The following DNAH11 variants were observed in gnomAD, a reference collection of about 807,000 sequenced individuals.
DNAH11 encodes the protein axonemal beta dynein heavy chain 11.
Under a neutral mutation model 526.0 loss-of-function variants are expected in DNAH11, and 442 were observed. The observed-to-expected ratio is 0.84, with a 90% confidence interval of 0.78 to 0.91. DNAH11 has a LOEUF of 0.91. Among genes scored for constraint, DNAH11 ranks in the 40% least tolerant of loss-of-function variants. The probability of loss-of-function intolerance (pLI) is 0.00; values close to 1 mark genes in which losing one functional copy is unlikely to be tolerated. For missense variants in DNAH11, 6,989 were observed against 5,448.7 expected, an observed-to-expected ratio of 1.28 and a Z score of -8.90; for synonymous variants, 2,461 against 1,935.9, an observed-to-expected ratio of 1.27 and a Z score of -7.12.
At chr7:21,837,000 A>G (rs1274092883) in intron 65 of DNAH11, among the ~76,000 whole-genome samples, 2 of 152,188 alleles carry the variant, frequency 1.3e-5, no homozygotes, top group Non-Finnish European at 2.9e-5. Context: ...AATATTCCAC[A>G]TCACTAATTA....
At position 21,816,474 on chromosome 7, in the gene DNAH11, T is replaced by A. The variant is rs1262069536; in HGVS notation, c.10340T>A (p.Ile3447Asn). Residue 3447 changes from isoleucine (I) to asparagine (N), a missense_variant, in exon 64 of 82, where the codon ATT (isoleucine) becomes AAT (asparagine). Transcript: ENST00000409508. Reference protein sequence around the residue: ...WVPFLQQKVSIPLTEGLDLIS... With the variant: ...WVPFLQQKVSNPLTEGLDLIS... ...TCAACTCTGATTTTAAAGGTTTCCA[T>A]TCCACTAACCGAAGGCCTGGACTTG... 1.2e-6 allele frequency: 2 copies of A among 1,603,178 alleles called. No individual in the cohort carries two copies. Among genetic ancestry groups the A allele is most frequent in the Non-Finnish European group, 1.7e-6 (2 of 1,174,990 alleles).
intron 62 of DNAH11, among the ~76,000 whole-genome samples, chr7:21,805,015 G>T (rs1027018819): frequency 4.6e-5 from 7 of 152,018 alleles, no homozygotes; most frequent in Non-Finnish European, 7.4e-5. Context: ...TTCCAGGCAC[G>T]CTCCTTCTTT....
chr7:21,820,298 C>T (rs1789999652), intron 65 of DNAH11, among the ~76,000 whole-genome samples: 1 of 152,140 alleles, frequency 6.6e-6, no homozygotes, highest in Non-Finnish European at 1.5e-5. Flanking sequence ...TAAAGATAGA[C>T]CTATAAACAA....
In DNAH11 at chr7:21,570,251, G is replaced by C. The variant is rs779431268; in HGVS notation, c.1377G>C (p.Leu459=). 2 of 1,611,960 alleles carry C rather than the reference G, an allele frequency of 1.2e-6. No homozygotes were observed. Among genetic ancestry groups the C allele is most frequent in the Non-Finnish European group, 1.7e-6 (2 of 1,179,388 alleles). ...GACCATGGGATTTCCAGTCTCATCT[G>C]GTGTTTTGCAGATTTGACAAGTTTC... ...KLRPWDFQSH[L]VFCRFDKFLD... Residue 459 remains leucine (L), a synonymous_variant, in exon 7 of 82, where the codon CTG becomes CTC. Coordinates refer to ENST00000409508, the MANE Select transcript of DNAH11 (RefSeq NM_001277115.2).
At chr7:21,577,927 C>T (rs961840644) in intron 8 of DNAH11, among the ~76,000 whole-genome samples, 2 of 152,138 alleles carry the variant, frequency 1.3e-5, no homozygotes, top group African/African-American at 4.8e-5. Flanking sequence ...TCCATTTTCA[C>T]ATTGCTACAA....
chr7:21,802,713 G>T (rs904973555), intron 62 of DNAH11, among the ~76,000 whole-genome samples: 1 of 151,848 alleles, frequency 6.6e-6, no homozygotes, highest in African/African-American at 2.4e-5. Flanking sequence ...GACACAAAAG[G>T]CCACATATCA....
Position 21,793,164 on chromosome 7 carries a change from C to T in DNAH11, c.10026+3822C>T, listed in dbSNP as rs533571278. On this transcript the variant is annotated intron_variant, in intron 61 of 81. Coordinates refer to ENST00000409508, the MANE Select transcript of DNAH11 (RefSeq NM_001277115.2). ...GGAACATGTTTAATTTTCCTGTGTT[C>T]GTATAGTTGCCAACTTTCCTCTTGT... Among the ~76,000 whole-genome samples the T allele has an allele frequency of 5.9e-5, 9 of 152,106 alleles. No individual in the cohort carries two copies. The East Asian group carries it at 1.2e-3, about 20-fold the overall frequency.
chr7:21,607,336 C>A (rs1160871287), intron 20 of DNAH11, among the ~76,000 whole-genome samples: 1 of 152,096 alleles, frequency 6.6e-6, no homozygotes, highest in East Asian at 1.9e-4. Context: ...GGTGCCCACC[C>A]AGATTGAGGG....
intron 2 of DNAH11, among the ~76,000 whole-genome samples, 168 bp from the exon 3 acceptor site, chr7:21,558,634 A>C (rs1381589453): frequency 2.0e-5 from 3 of 152,228 alleles, no homozygotes; most frequent in Admixed American, 6.5e-5. Flanking sequence ...ATTTATGTCT[A>C]ATTGATTAAA....
chr7:21,764,508 C>G (rs538026293), intron 54 of DNAH11, among the ~76,000 whole-genome samples: 1 of 152,100 alleles, frequency 6.6e-6, no homozygotes, highest in Non-Finnish European at 1.5e-5. Context: ...CCCTGATTGA[C>G]AGTTCTCTTC....
At chr7:21,784,843 A>T (rs1222191811) in intron 58 of DNAH11, among the ~76,000 whole-genome samples, 1 of 152,102 alleles carries the variant, frequency 6.6e-6, no homozygotes, top group East Asian at 1.9e-4. Context: ...ACTGGATTTG[A>T]CCCAAATCCA....
chr7:21,590,903 A>G lies in DNAH11; in HGVS notation c.2170-15A>G. 1 of 1,326,604 alleles carries G rather than the reference A, an allele frequency of 7.5e-7. No individual in the cohort carries two copies. The highest frequency in any genetic ancestry group is 9.8e-7 in the Non-Finnish European group (1 of 1,015,950). The allele number at this position is 1,326,604 out of a possible 1,614,324, so 82.2% of individuals were successfully genotyped here. A position where few individuals can be genotyped will look rare whatever the true frequency, so the allele number is the denominator to read the frequency against. On this transcript the variant is annotated splice_polypyrimidine_tract_variant and intron_variant, in intron 12 of 81. Coordinates refer to ENST00000409508, the MANE Select transcript of DNAH11 (RefSeq NM_001277115.2). ...ATGAAAATATGCAATAATTTTAATAATTGTATTTTAATAGCTAGTGGCTGT... is the reference window on the plus strand; with the variant it reads ...ATGAAAATATGCAATAATTTTAATAGTTGTATTTTAATAGCTAGTGGCTGT...
intron 74 of DNAH11, among the ~76,000 whole-genome samples, chr7:21,880,100 A>C (rs1342849405): frequency 6.8e-6 from 1 of 147,918 alleles, no homozygotes; most frequent in Non-Finnish European, 1.5e-5. Flanking sequence ...AAAAAAAAAA[A>C]AGAAAGAAAG....
chr7:21,867,712 G>A (rs1344573817), intron 71 of DNAH11, 147 bp from the exon 72 acceptor site: 3 of 681,976 alleles, frequency 4.4e-6, no homozygotes, highest in South Asian at 2.1e-5. Flanking sequence ...CATCTAGCTG[G>A]ATTCATATTG....
intron 9 of DNAH11, among the ~76,000 whole-genome samples, chr7:21,585,202 C>T (rs547160235): frequency 2.6e-5 from 4 of 152,238 alleles, no homozygotes; most frequent in South Asian, 4.1e-4. Context: ...CTTACAGCTT[C>T]TGTGTAGATT....
chr7:21,811,504 G>C (rs79989539), intron 63 of DNAH11, among the ~76,000 whole-genome samples: 2 of 152,102 alleles, frequency 1.3e-5, no homozygotes, highest in East Asian at 3.9e-4. Context: ...AACTTTACGA[G>C]GGACCTAGAG....
chr7:21,714,321 A>G (rs745751175), intron 42 of DNAH11, among the ~76,000 whole-genome samples: 11 of 152,146 alleles, frequency 7.2e-5, no homozygotes, highest in Non-Finnish European at 1.5e-4. Flanking sequence ...GTTAATTTTC[A>G]TATGTGTGAC....
intron 44 of DNAH11, among the ~76,000 whole-genome samples, chr7:21,724,468 A>G (rs1326699029): frequency 6.6e-6 from 1 of 152,236 alleles, no homozygotes; most frequent in Non-Finnish European, 1.5e-5. Context: ...TATGGGGAAA[A>G]ATCACGGTTG....
chr7:21,760,411 A>G (rs559830452), intron 54 of DNAH11, among the ~76,000 whole-genome samples: 1 of 152,290 alleles, frequency 6.6e-6, no homozygotes, highest in East Asian at 1.9e-4. Context: ...TTTGGGGCAC[A>G]TGTGGCAATA....
Sources: allele counts gnomAD v4.1 joint callset (sites outside exome capture counted in the v4.1 genomes callset), GRCh38; gene constraint gnomAD v4.1.1; transcripts MANE v1.5; gene names NCBI Gene and HGNC (gene_info 2026-07-23, HGNC 2026-07-21).